RTN4: variants seen among roughly 807,000 people sequenced by gnomAD.
RTN4 encodes the protein reticulon 4.
A neutral mutation model predicts 90.4 loss-of-function variants in RTN4; 32 were observed. The ratio of observed to expected loss-of-function variants is 0.35; its 90% CI spans 0.27 to 0.48. RTN4 has a LOEUF of 0.48. Ranked by LOEUF, RTN4 falls within the 20% of genes least tolerant of loss-of-function variation. RTN4 has a pLI of 0.99. For missense variants in RTN4, 1,706 were observed against 1,430.2 expected (o/e 1.19, Z -3.11); for synonymous variants, 629 against 552.5 (o/e 1.14, Z -1.94).
At chr2:55,112,429 C>T (rs539361606) in intron 1 of RTN4, 3 of 152,458 alleles carry the variant, frequency 2.0e-5, no homozygotes, top group South Asian at 4.1e-4. Flanking sequence ...CACGTCAACA[C>T]TACTGGCTTT....
chr2:55,098,545 TA>T (rs1047926564), intron 1 of RTN4, among the ~76,000 whole-genome samples: 2 of 152,026 alleles, frequency 1.3e-5, no homozygotes, highest in African/African-American at 4.8e-5. Flanking sequence ...ATCTTATCAG[TA>T]AAAGAGAAGA....
chr2:55,029,260 C>T (rs1057410353), intron 1 of RTN4, among the ~76,000 whole-genome samples: 2 of 152,164 alleles, frequency 1.3e-5, no homozygotes, highest in African/African-American at 4.8e-5. Context: ...TACCAGCCTC[C>T]AGAATTGTGA....
Position 55,025,209 on chromosome 2 carries a change from T to C in RTN4, c.2890A>G (p.Ile964Val), listed in dbSNP as rs200503618. The part of the protein sequence containing the change: ...DVSALATQAE[I>V]ESIVKPKVLV... ...ACTTTGGGTTTAACTATGCTCTCTA[T>C]CTCTGCTTGAGTGGCCAAAGCAGAA... The change falls in exon 3 of 9, where the codon ATA becomes GTA. Residue 964 changes from isoleucine (I) to valine (V), a missense_variant. By Grantham distance (29) the Ile-to-Val change is conservative. Coordinates refer to ENST00000337526, the MANE Select transcript of RTN4 (RefSeq NM_020532.5). 32 of 1,613,774 alleles carry C rather than the reference T, an allele frequency of 2.0e-5. No individual in the cohort carries two copies. The highest frequency in any genetic ancestry group is 2.7e-5 in the Non-Finnish European group (32 of 1,179,838).
At chr2:54,992,973 C>T (rs1053432306) in intron 3 of RTN4, among the ~76,000 whole-genome samples, 6 of 149,180 alleles carry the variant, frequency 4.0e-5, no homozygotes, top group African/African-American at 1.5e-4. Context: ...ACTCAGGAGG[C>T]TGAGGCAGGA....
the RTN4 span, among the ~76,000 whole-genome samples, chr2:55,137,228 G>A: frequency 2.6e-5 from 4 of 152,190 alleles, no homozygotes; most frequent in Admixed American, 2.6e-4. Flanking sequence ...AATGCCCCAG[G>A]GCAAGGCAGC....
At chr2:55,000,885 A>C (rs748242811) in intron 3 of RTN4, among the ~76,000 whole-genome samples, 8 of 152,142 alleles carry the variant, frequency 5.3e-5, no homozygotes, top group Non-Finnish European at 1.2e-4. Flanking sequence ...GAGACCAATA[A>C]ATTTCATTAA....
chr2:55,065,173 G>A (rs1179346266), intron 2 of RTN4, among the ~76,000 whole-genome samples: 1 of 152,164 alleles, frequency 6.6e-6, no homozygotes, highest in Non-Finnish European at 1.5e-5. Context: ...TTTCATATCA[G>A]AATCCACTGG....
At chr2:55,119,847 C>T in the RTN4 span, among the ~76,000 whole-genome samples, 4 of 152,236 alleles carry the variant, frequency 2.6e-5, no homozygotes, top group African/African-American at 9.6e-5. Context: ...CATGGCCAAC[C>T]CATAATTATG....
In RTN4 at chr2:55,077,756, TACACACACACACACAC is replaced by T. The variant is rs200121610; in HGVS notation, c.-63+2717_-63+2732del. Among the ~76,000 whole-genome samples the T allele has an allele frequency of 1.9e-4, 27 of 144,464 alleles. 1 individual carries two copies. Among genetic ancestry groups the T allele is most frequent in the East Asian group, 1.0e-3 (5 of 4,848 alleles). 94.8% of individuals were successfully genotyped at this position (144,464 alleles called of 152,430 possible). A position where few individuals can be genotyped will look rare whatever the true frequency, so the allele number is the denominator to read the frequency against. Reference sequence around the variant, plus strand: ...ACAAGTGGATAAAGAAAATGTTTTATACACACACACACACACACACACACACACACACACACAGACA... The same window carrying T: ...ACAAGTGGATAAAGAAAATGTTTTATACACACACACACACACACACAGACA... On this transcript the variant is annotated intron_variant, in intron 2 of 3. Transcript: ENST00000427710.
chr2:55,134,489 G>T, the RTN4 span, among the ~76,000 whole-genome samples: 14 of 152,166 alleles, frequency 9.2e-5, no homozygotes, highest in Non-Finnish European at 2.1e-4. Flanking sequence ...CTCAGAGGCT[G>T]ATGCCCACCC....
chr2:55,103,233 T>C (rs369172700), intron 1 of RTN4, among the ~76,000 whole-genome samples: 4 of 151,810 alleles, frequency 2.6e-5, no homozygotes, highest in African/African-American at 9.7e-5. Flanking sequence ...AACAGAAAGA[T>C]ACTGTATGAT....
intron 1 of RTN4, among the ~76,000 whole-genome samples, chr2:55,108,642 G>C (rs1046294082): frequency 5.3e-5 from 8 of 152,048 alleles, no homozygotes; most frequent in African/African-American, 1.9e-4. Flanking sequence ...AGAAGCCACA[G>C]GGCCATGCCC....
intron 2 of RTN4, among the ~76,000 whole-genome samples, chr2:55,069,483 C>T (rs1381014235): frequency 6.6e-6 from 1 of 152,204 alleles, no homozygotes; most frequent in Non-Finnish European, 1.5e-5. Flanking sequence ...CCAGAGACTA[C>T]TATCCACAGG....
chr2:55,083,453 G>A (rs867102466), intron 1 of RTN4, among the ~76,000 whole-genome samples: 2 of 151,924 alleles, frequency 1.3e-5, no homozygotes, highest in East Asian at 1.9e-4. Flanking sequence ...CCAAGATTGC[G>A]CCACTGCACT....
Position 55,026,993 on chromosome 2 carries a change from A to T in RTN4, c.1106T>A (p.Phe369Tyr). The stretch of plus-strand genomic sequence containing the variant: ...TTCCACTGCAACTCTCTTTTCATTA[A>T]AACTGTCTTTTGCTTTTTCTGAAGA... ...VVSSEKAKDS[F>Y]NEKRVAVEAP... Residue 369 changes from phenylalanine to tyrosine, a missense_variant, in exon 3 of 9, where the codon TTT (phenylalanine) becomes TAT (tyrosine). Phe to Tyr is a conservative substitution (Grantham distance 22). Coordinates refer to ENST00000337526, the MANE Select transcript of RTN4 (RefSeq NM_020532.5). The T allele has an allele frequency of 6.2e-7, 1 of 1,613,470 alleles. No homozygotes were observed. The highest frequency in any genetic ancestry group is 1.1e-5 in the South Asian group (1 of 91,076).
Position 55,057,704 on chromosome 2 carries a change from C to T in RTN4, c.-63+22785G>A, listed in dbSNP as rs569803693. On this transcript the variant is annotated intron_variant, in intron 2 of 3. Transcript: ENST00000427710. ...GAGGATGGGTACTAAGAGTAGTTCA[C>T]CCAGGCCTGGTGGTTCACGCCTATA... Among the ~76,000 whole-genome samples the T allele has an allele frequency of 3.3e-5, 5 of 152,226 alleles. No homozygotes were observed. The East Asian group carries it at 9.7e-4, about 29-fold the overall frequency.
intron 2 of RTN4, among the ~76,000 whole-genome samples, chr2:55,074,820 A>AG (rs1235033903): frequency 2.0e-5 from 3 of 152,254 alleles, no homozygotes; most frequent in Non-Finnish European, 4.4e-5. Context: ...AGACTTAAAA[A>AG]CAAAAATCAC....
At position 54,973,574 on chromosome 2, in the gene RTN4, A is replaced by C; in HGVS notation, c.3525T>G (p.Asp1175Glu). Residue 1175 changes from aspartate (D) to glutamate (E), a missense_variant, in exon 8 of 9, where the codon GAT (aspartate) becomes GAG (glutamate). Transcript: ENST00000337526. ...TTTTAAATACTTACTTAGCCATAGC[A>C]TCTTTAACATTCTTATTTGCAAGTC... ...YLGLANKNVKDAMAKIQAKIP... is the reference protein window; with the variant it reads ...YLGLANKNVKEAMAKIQAKIP... 1 of 1,608,236 alleles carries C rather than the reference A, an allele frequency of 6.2e-7. No individual in the cohort carries two copies. The highest frequency in any genetic ancestry group is 8.5e-7 in the Non-Finnish European group (1 of 1,174,768).
upstream of RTN4, among the ~76,000 whole-genome samples, chr2:55,052,650 C>T (rs1380958564): frequency 6.6e-6 from 1 of 152,098 alleles, no homozygotes; most frequent in African/African-American, 2.4e-5. Context: ...CAAATTTCTA[C>T]AATGGTGACT....
Sources: gnomAD v4.1 joint callset for allele counts (sites outside exome capture counted in the v4.1 genomes callset) on GRCh38, gnomAD v4.1.1 for gene constraint, MANE v1.5 for transcripts, NCBI Gene and HGNC (gene_info 2026-07-23, HGNC 2026-07-21) for gene names.